The following ACER3 variants were observed in gnomAD, a reference collection of about 807,000 sequenced individuals.
ACER3 encodes alkaline ceramidase 3, also known as alkCDase 3.
ACER3 carries 16 observed loss-of-function variants against 48.9 expected under a neutral mutation model. The observed-to-expected ratio is 0.33, with a 90% CI of 0.22 to 0.50. The LOEUF is 0.50. Among genes scored for constraint, ACER3 ranks in the 20% least tolerant of loss-of-function variants. The pLI, the probability that ACER3 is intolerant of heterozygous loss-of-function variation, is 0.98. For missense variants in ACER3, 227 were observed against 326.0 expected (o/e 0.70, Z 2.34); for synonymous variants, 109 against 107.8 (o/e 1.01, Z -0.07).
intron 2 of ACER3, among the ~76,000 whole-genome samples, chr11:76,951,424 G>T (rs1339857956): frequency 1.3e-5 from 2 of 152,046 alleles, no homozygotes; most frequent in East Asian, 3.9e-4. Context: ...TGATCCTCTT[G>T]GTCTTCTTTT....
At chr11:76,932,475 A>G (rs1947033064) in intron 2 of ACER3, among the ~76,000 whole-genome samples, 1 of 152,200 alleles carries the variant, frequency 6.6e-6, no homozygotes, top group East Asian at 1.9e-4. Flanking sequence ...CAAAAGGAAG[A>G]CTTGTCTACA....
At chr11:76,937,517 T>C (rs1947221427) in intron 2 of ACER3, among the ~76,000 whole-genome samples, 3 of 152,196 alleles carry the variant, frequency 2.0e-5, no homozygotes, top group South Asian at 2.1e-4. Context: ...ACTATGAAGA[T>C]GTAGAAAGGA....
At chr11:76,898,422 G>T (rs1013054607) in intron 1 of ACER3, among the ~76,000 whole-genome samples, 10 of 152,186 alleles carry the variant, frequency 6.6e-5, no homozygotes, top group African/African-American at 1.9e-4. Flanking sequence ...GCCCAGGCTG[G>T]ATTCAAACTC....
rs34058460 is a variant in ACER3 at position 76,933,240 on chromosome 11, C to CT, written c.214+6588dup. Among the ~76,000 whole-genome samples the CT allele has an allele frequency of 5.0e-3, 657 of 130,422 alleles. 22 individuals are homozygous for CT. The highest frequency in any genetic ancestry group is 0.045 in the Admixed American group (583 of 12,954). The allele number at this position is 130,422 out of a possible 152,430, so 85.6% of individuals were successfully genotyped here. A position where few individuals can be genotyped will look rare whatever the true frequency, so the allele number is the denominator to read the frequency against. ...AAGTGGGCAGTCTTGAATTAGAAAT[C>CT]TTTTTTTTTTTTTTTAGCACATACT... On this transcript the variant is annotated intron_variant, in intron 2 of 10. Transcript: ENST00000532485.
chr11:77,008,408 G>A (rs1164736930), intron 7 of ACER3, among the ~76,000 whole-genome samples: 1 of 152,186 alleles, frequency 6.6e-6, no homozygotes, highest in Non-Finnish European at 1.5e-5. Context: ...CCTTTAAAAA[G>A]CACTTAACAG....
intron 2 of ACER3, among the ~76,000 whole-genome samples, chr11:76,940,932 C>A (rs1286291146): frequency 6.6e-6 from 1 of 151,814 alleles, no homozygotes; most frequent in African/African-American, 2.4e-5. Flanking sequence ...AAACATTAGG[C>A]AAATTTTGCT....
chr11:76,875,107 CTTTT>C (rs10676364), intron 1 of ACER3, among the ~76,000 whole-genome samples: 15 of 78,164 alleles, frequency 1.9e-4, no homozygotes, highest in Admixed American at 3.9e-4. Flanking sequence ...AAAAGCACTT[CTTTT>C]TTTTTTTTTT....
At chr11:76,925,703 T>C (rs1243767717) in intron 1 of ACER3, among the ~76,000 whole-genome samples, 2 of 152,196 alleles carry the variant, frequency 1.3e-5, no homozygotes, top group Admixed American at 1.3e-4. Flanking sequence ...TTTGCACTCA[T>C]TACATTCTCC....
intron 1 of ACER3, among the ~76,000 whole-genome samples, chr11:76,871,769 A>G (rs1945246314): frequency 2.0e-5 from 3 of 152,216 alleles, no homozygotes; most frequent in African/African-American, 7.2e-5. Context: ...TATAGAATGT[A>G]AATTTCCTCT....
intron 1 of ACER3, among the ~76,000 whole-genome samples, chr11:76,864,209 G>C (rs1468632477): frequency 6.6e-6 from 1 of 152,172 alleles, no homozygotes; most frequent in African/African-American, 2.4e-5. Flanking sequence ...ATATTGTAAA[G>C]ACCAGAGGAA....
chr11:76,907,995 G>A (rs984904439), intron 1 of ACER3, among the ~76,000 whole-genome samples: 1 of 152,162 alleles, frequency 6.6e-6, no homozygotes, highest in African/African-American at 2.4e-5. Flanking sequence ...CAGCACCCTG[G>A]GAGGCCAAGG....
chr11:76,949,320 A>T (rs900696715), intron 2 of ACER3, among the ~76,000 whole-genome samples: 2 of 152,178 alleles, frequency 1.3e-5, no homozygotes, highest in Non-Finnish European at 2.9e-5. Flanking sequence ...GGACATGACC[A>T]TATGGGGAAA....
intron 7 of ACER3, among the ~76,000 whole-genome samples, chr11:77,013,432 G>GT (rs1446541686): frequency 6.6e-6 from 1 of 152,152 alleles, no homozygotes; most frequent in African/African-American, 2.4e-5. Context: ...AAACAATAAT[G>GT]TATCAAAGAA....
chr11:76,942,795 G>A (rs1252508252), intron 2 of ACER3, among the ~76,000 whole-genome samples: 6 of 151,926 alleles, frequency 3.9e-5, no homozygotes, highest in Admixed American at 3.9e-4. Context: ...GAACTTGGCT[G>A]TGGATCCATC....
chr11:76,970,443 TC>T (rs1473731065), intron 3 of ACER3, among the ~76,000 whole-genome samples: 1 of 152,182 alleles, frequency 6.6e-6, no homozygotes, highest in Non-Finnish European at 1.5e-5. Flanking sequence ...TGGCCTATCA[TC>T]TTCAGAAGTA....
At chr11:76,944,583 A>G (rs1787602036) in intron 2 of ACER3, among the ~76,000 whole-genome samples, 2 of 151,914 alleles carry the variant, frequency 1.3e-5, no homozygotes, top group Non-Finnish European at 2.9e-5. Context: ...TGTTAGTTTG[A>G]TGGGGTTTCC....
chr11:77,009,109 A>G (rs981439658), intron 7 of ACER3, among the ~76,000 whole-genome samples: 1 of 152,222 alleles, frequency 6.6e-6, no homozygotes, highest in East Asian at 1.9e-4. Context: ...TTGCACTGCT[A>G]TAAAGAAATA....
At chr11:77,006,943 G>A (rs1408349817) in intron 7 of ACER3, among the ~76,000 whole-genome samples, 1 of 151,848 alleles carries the variant, frequency 6.6e-6, no homozygotes, top group Non-Finnish European at 1.5e-5. Flanking sequence ...TACCCCATCT[G>A]TAAAAAATAA....
At chr11:76,913,810 C>T (rs10793204) in intron 1 of ACER3, among the ~76,000 whole-genome samples, 90,197 of 151,970 alleles carry the variant, frequency 0.59, 28,977 homozygotes, top group Non-Finnish European at 0.73. Context: ...ACTACAAGGC[C>T]ACAGAAACCA....
Sources: allele counts gnomAD v4.1 joint callset (sites outside exome capture counted in the v4.1 genomes callset), GRCh38; gene constraint gnomAD v4.1.1; transcripts MANE v1.5; gene names NCBI Gene and HGNC (gene_info 2026-07-23, HGNC 2026-07-21).